WDPCP: variants seen among roughly 807,000 people sequenced by gnomAD.
WDPCP encodes WD repeat containing planar cell polarity effector, also known as WD repeat-containing and planar cell polarity effector protein fritz homolog.
A neutral mutation model predicts 93.1 loss-of-function variants in WDPCP; 71 were observed. The ratio of observed to expected loss-of-function variants is 0.76; its 90% CI spans 0.63 to 0.93. WDPCP has a LOEUF of 0.93. Among genes scored for constraint, WDPCP ranks in the 40% least tolerant of loss-of-function variants. The probability of loss-of-function intolerance (pLI) is 0.00; values close to 1 mark genes in which losing one functional copy is unlikely to be tolerated. For missense variants in WDPCP, 844 were observed against 887.4 expected (o/e 0.95, Z 0.62); for synonymous variants, 315 against 315.0 (o/e 1.00, Z 0.00).
intron 2 of WDPCP, among the ~76,000 whole-genome samples, chr2:63,810,354 A>G (rs1175226680): frequency 6.6e-6 from 1 of 152,248 alleles, no homozygotes; most frequent in East Asian, 1.9e-4. Context: ...AGTTTTCTAA[A>G]AAGATACAGG....
intron 14 of WDPCP, among the ~76,000 whole-genome samples, chr2:63,250,532 C>T (rs1359075998): frequency 6.6e-6 from 1 of 151,966 alleles, no homozygotes; most frequent in Non-Finnish European, 1.5e-5. Flanking sequence ...ATGGCTAGTA[C>T]CATCATGCTA....
At chr2:63,134,122 G>A (rs1236925879) in intron 17 of WDPCP, among the ~76,000 whole-genome samples, 1 of 152,058 alleles carries the variant, frequency 6.6e-6, no homozygotes, top group Non-Finnish European at 1.5e-5. Flanking sequence ...GCATGGGAAG[G>A]GGACTCCATT....
chr2:63,631,320 G>C (rs557492810), intron 3 of WDPCP, among the ~76,000 whole-genome samples: 1 of 152,192 alleles, frequency 6.6e-6, no homozygotes, highest in African/African-American at 2.4e-5. Flanking sequence ...AGCTGAAGCA[G>C]TGCTGAGAAA....
chr2:63,225,572 G>A (rs891523066), intron 14 of WDPCP, among the ~76,000 whole-genome samples: 15 of 151,804 alleles, frequency 9.9e-5, no homozygotes, highest in African/African-American at 3.6e-4. Flanking sequence ...CAAAGGACAT[G>A]CAGGATAATA....
intron 2 of WDPCP, among the ~76,000 whole-genome samples, chr2:63,492,454 G>GA (rs541006836): frequency 3.4e-4 from 50 of 149,050 alleles, no homozygotes; most frequent in Non-Finnish European, 6.2e-4. Flanking sequence ...AAGAATCCCA[G>GA]AAAAAAAATT....
chr2:63,360,443 CAATTTTCCCAAATGAAAA>C (rs1165193797), intron 12 of WDPCP, among the ~76,000 whole-genome samples: 2 of 152,148 alleles, frequency 1.3e-5, no homozygotes, highest in Non-Finnish European at 2.9e-5. Flanking sequence ...TAGATTCTTT[CAATTTTCCCAAATGAAAA>C]AATTCTTAAA....
At chr2:63,200,181 A>C (rs1675793090) in intron 14 of WDPCP, among the ~76,000 whole-genome samples, 1 of 152,152 alleles carries the variant, frequency 6.6e-6, no homozygotes, top group Admixed American at 6.5e-5. Flanking sequence ...ACAGGTTCAT[A>C]GGTGGAAGGG....
chr2:63,670,279 G>A (rs1181525289), intron 2 of WDPCP, among the ~76,000 whole-genome samples: 14 of 152,268 alleles, frequency 9.2e-5, no homozygotes, highest in African/African-American at 1.7e-4. Flanking sequence ...CAGTCGTGGC[G>A]TTGCTACACA....
At position 63,604,876 on chromosome 2, in the gene WDPCP, A is replaced by G. The variant is rs779968841; in HGVS notation, n.488+45783T>C. ...GCTCAAGGGAGAATTTGTCACGGTA[A>G]GAAAAATCTGTGAGCCTTCTTAACA... On this transcript the variant is annotated intron_variant and non_coding_transcript_variant, in intron 3 of 4. Transcript: ENST00000467687. 3 of 1,613,750 alleles carry G rather than the reference A, an allele frequency of 1.9e-6. No individual in the cohort carries two copies. In the African/African-American group the frequency reaches 4.0e-5, roughly 22 times the overall value.
At chr2:63,213,017 A>G (rs1676969939) in intron 14 of WDPCP, among the ~76,000 whole-genome samples, 1 of 152,154 alleles carries the variant, frequency 6.6e-6, no homozygotes, top group Non-Finnish European at 1.5e-5. Context: ...CCCACACAAT[A>G]ATAATGGGAG....
intron 13 of WDPCP, among the ~76,000 whole-genome samples, chr2:63,283,470 T>G (rs1683728559): frequency 6.6e-6 from 1 of 152,244 alleles, no homozygotes; most frequent in Admixed American, 6.5e-5. Flanking sequence ...TGACCAGTTC[T>G]TGTAAATAAA....
chr2:63,196,149 T>C (rs892853479), intron 14 of WDPCP, among the ~76,000 whole-genome samples: 1 of 152,258 alleles, frequency 6.6e-6, no homozygotes, highest in Non-Finnish European at 1.5e-5. Flanking sequence ...TGAATAACAC[T>C]ATCAGTTCCC....
Position 63,300,805 on chromosome 2 carries a change from C to T in WDPCP, c.1812+12443G>A, listed in dbSNP as rs1030578206. On this transcript the variant is annotated intron_variant, in intron 13 of 17. Transcript: ENST00000272321. Reference sequence around the variant, plus strand: ...GACTGTCTCTCTCTTAGCCTTTGGTCTGAAGAGCACATGTCATTTCCAGGT... The same window carrying T: ...GACTGTCTCTCTCTTAGCCTTTGGTTTGAAGAGCACATGTCATTTCCAGGT... Among the ~76,000 whole-genome samples, 5 of 152,236 alleles carry T rather than the reference C, an allele frequency of 3.3e-5. 1 individual carries two copies. The highest frequency in any genetic ancestry group is 1.2e-4 in the African/African-American group (5 of 41,460).
At chr2:63,387,652 A>G (rs906850946) in intron 10 of WDPCP, among the ~76,000 whole-genome samples, 6 of 152,142 alleles carry the variant, frequency 3.9e-5, no homozygotes, top group African/African-American at 7.2e-5. Context: ...AGAAAGAAAT[A>G]AAACACATCC....
intron 2 of WDPCP, among the ~76,000 whole-genome samples, chr2:63,730,737 G>GA (rs1575760047): frequency 1.3e-5 from 2 of 151,712 alleles, no homozygotes; most frequent in Admixed American, 6.6e-5. Flanking sequence ...TGAGAAAAGA[G>GA]AAAAGAAAAA....
At chr2:63,429,731 T>A (rs930581974) in intron 9 of WDPCP, among the ~76,000 whole-genome samples, 1 of 152,124 alleles carries the variant, frequency 6.6e-6, no homozygotes, top group African/African-American at 2.4e-5. Context: ...TTACACACTG[T>A]TGGTGGGTAT....
At chr2:63,129,941 T>C (rs749558384) in intron 17 of WDPCP, among the ~76,000 whole-genome samples, 14 of 152,226 alleles carry the variant, frequency 9.2e-5, no homozygotes, top group Non-Finnish European at 1.9e-4. Context: ...AAAAAAAGTC[T>C]GTACATGTTT....
At chr2:63,762,597 T>C (rs561274930) in intron 2 of WDPCP, among the ~76,000 whole-genome samples, 27 of 152,292 alleles carry the variant, frequency 1.8e-4, no homozygotes, top group African/African-American at 6.5e-4. Context: ...CCATATCCAG[T>C]GAGAGTCTTG....
chr2:63,334,341 T>C (rs1688198258), intron 12 of WDPCP, among the ~76,000 whole-genome samples: 1 of 152,180 alleles, frequency 6.6e-6, no homozygotes, highest in Non-Finnish European at 1.5e-5. Flanking sequence ...TTCTGATATG[T>C]GCCCAAGGTG....
Sources: gnomAD v4.1 joint callset for allele counts (sites outside exome capture counted in the v4.1 genomes callset) on GRCh38, gnomAD v4.1.1 for gene constraint, MANE v1.5 for transcripts, NCBI Gene and HGNC (gene_info 2026-07-23, HGNC 2026-07-21) for gene names.